VEZF1: variants seen among roughly 807,000 people sequenced by gnomAD.
The protein encoded by VEZF1 is vascular endothelial zinc finger 1.
In VEZF1, 5 loss-of-function variants were observed where a neutral mutation model predicts 44.1. The ratio of observed to expected loss-of-function variants is 0.11; its 90% CI spans 0.06 to 0.24. The LOEUF is 0.24. Among genes scored for constraint, VEZF1 ranks in the 10% least tolerant of loss-of-function variants. The pLI is 1.00. For synonymous variants in VEZF1, 236 were observed against 233.1 expected (o/e 1.01, Z -0.11); for missense variants, 358 against 641.8 (o/e 0.56, Z 4.78).
chr17:57,988,221 G>C lies in VEZF1; in HGVS notation c.-110C>G, dbSNP rs542073771. ...CGGCGGCGGCGGCAACGGCAGCGGC[G>C]GCTCCTCAACATGGCAGCGCCGAGC... On this transcript the variant is annotated 5_prime_UTR_variant, in exon 1 of 6. Transcript: ENST00000581208. 1 of 224,138 alleles carries C rather than the reference G, an allele frequency of 4.5e-6. No individual in the cohort carries two copies. The highest frequency in any genetic ancestry group is 6.1e-5 in the Admixed American group (1 of 16,358). The allele number at this position is 224,138 out of a possible 1,614,324, so 13.9% of individuals were successfully genotyped here. A position where few individuals can be genotyped will look rare whatever the true frequency, so the allele number is the denominator to read the frequency against.
chr17:57,972,665 A>G lies in VEZF1; in HGVS notation c.*1808T>C, dbSNP rs2075148749. On this transcript the variant is annotated 3_prime_UTR_variant, in exon 6 of 6. Coordinates refer to ENST00000581208, the MANE Select transcript of VEZF1 (RefSeq NM_007146.3). ...GACATTATAACAAACATATACATTA[A>G]AAGTGTAGGAATGTGTTGCCTTCCT... 1 of 152,646 alleles carries G rather than the reference A, an allele frequency of 6.6e-6. No homozygotes were observed. The highest frequency in any genetic ancestry group is 1.5e-5 in the Non-Finnish European group (1 of 68,054). 9.5% of individuals were successfully genotyped at this position (152,646 alleles called of 1,614,324 possible).
At chr17:57,979,983 A>AC (rs1460739455) in intron 4 of VEZF1, among the ~76,000 whole-genome samples, 23 of 151,424 alleles carry the variant, frequency 1.5e-4, no homozygotes, top group Middle Eastern at 3.4e-3. Flanking sequence ...AAAAAAAAAA[A>AC]AAAAAAAACA....
At chr17:57,978,316 C>T (rs780055929) in intron 5 of VEZF1, among the ~76,000 whole-genome samples, 1 of 151,900 alleles carries the variant, frequency 6.6e-6, no homozygotes, top group Non-Finnish European at 1.5e-5. Flanking sequence ...TACAGAGGAG[C>T]CCACAGATAG....
intron 1 of VEZF1, among the ~76,000 whole-genome samples, chr17:57,984,609 G>C (rs2075279108): frequency 6.6e-6 from 1 of 152,104 alleles, no homozygotes; most frequent in Admixed American, 6.5e-5. Flanking sequence ...AGACACTTTA[G>C]ACGGTTACTT....
chr17:57,979,340 T>C (rs1472436707), intron 4 of VEZF1, 27 bp from the exon 5 acceptor site: 10 of 1,606,670 alleles, frequency 6.2e-6, no homozygotes, highest in Admixed American at 1.7e-5. Flanking sequence ...CCAAAAACAC[T>C]GTATCTACCT....
In VEZF1 at chr17:57,972,221, A is replaced by G. The variant is rs2075143702; in HGVS notation, c.*2252T>C. ...TAATACTTTCAGGGTTCTGACAACC[A>G]CATTCTAGCTTAGGGGTAGGGCCCA... On this transcript the variant is annotated 3_prime_UTR_variant, in exon 6 of 6. Coordinates refer to ENST00000581208, the MANE Select transcript of VEZF1 (RefSeq NM_007146.3). 6.6e-6 allele frequency: 1 copy of G among 152,180 alleles called. No homozygotes were observed. The highest frequency in any genetic ancestry group is 2.1e-4 in the South Asian group (1 of 4,802). 9.4% of individuals were successfully genotyped at this position (152,180 alleles called of 1,614,324 possible).
chr17:57,987,498 T>G (rs2075308014), intron 1 of VEZF1, among the ~76,000 whole-genome samples: 2 of 147,872 alleles, frequency 1.4e-5, no homozygotes, highest in African/African-American at 2.5e-5. Context: ...TGAGGGGGAG[T>G]GGCGGGGAAC....
intron 2 of VEZF1, among the ~76,000 whole-genome samples, chr17:57,982,445 C>T (rs1598048109): frequency 1.3e-5 from 2 of 152,160 alleles, no homozygotes; most frequent in East Asian, 3.9e-4. Context: ...TATCCATGTG[C>T]CAAATGAAAG....
intron 4 of VEZF1, among the ~76,000 whole-genome samples, chr17:57,979,621 A>T (rs1033907299): frequency 4.6e-5 from 7 of 152,018 alleles, no homozygotes; most frequent in Non-Finnish European, 1.0e-4. Context: ...ACTAATCAAC[A>T]TTCAACAAAA....
In VEZF1 at chr17:57,983,115, C is replaced by T. The variant is rs140158628; in HGVS notation, c.312G>A (p.Arg104=). Residue 104 remains arginine, a synonymous_variant, in exon 2 of 6, where the codon CGG becomes CGA. Coordinates refer to ENST00000581208, the MANE Select transcript of VEZF1 (RefSeq NM_007146.3). ...CCACCGTGGTGGGGGTTTTCTTTGGCCGGGACACCAACTTGATCCCTGTGT... is the reference window on the plus strand; with the variant it reads ...CCACCGTGGTGGGGGTTTTCTTTGGTCGGGACACCAACTTGATCCCTGTGT... The part of the protein sequence containing the change: ...SCHTGIKLVS[R]PKKTPTTVVP... 6.2e-7 allele frequency: 1 copy of T among 1,614,176 alleles called. No individual in the cohort carries two copies. Among genetic ancestry groups the T allele is most frequent in the African/African-American group, 1.3e-5 (1 of 75,036 alleles).
At chr17:57,980,214 T>G (rs752522677) in intron 4 of VEZF1, among the ~76,000 whole-genome samples, 4 of 152,200 alleles carry the variant, frequency 2.6e-5, no homozygotes, top group Non-Finnish European at 5.9e-5. Context: ...GGAAAATGCC[T>G]TCTTCTAGTG....
intron 1 of VEZF1, among the ~76,000 whole-genome samples, chr17:57,987,306 G>C (rs1397277755): frequency 1.3e-5 from 2 of 152,086 alleles, no homozygotes; most frequent in Non-Finnish European, 2.9e-5. Flanking sequence ...GCCCGGCTGG[G>C]GGATTCCCCA....
intron 5 of VEZF1, 127 bp downstream of exon 5, chr17:57,979,025 T>C: frequency 1.6e-6 from 2 of 1,239,258 alleles, no homozygotes; most frequent in Non-Finnish European, 1.1e-6. Flanking sequence ...TTTCCCAGCA[T>C]GCACTATTTC....
intron 1 of VEZF1, among the ~76,000 whole-genome samples, chr17:57,987,690 G>C (rs1452068275): frequency 6.6e-6 from 1 of 152,164 alleles, no homozygotes; most frequent in Non-Finnish European, 1.5e-5. Context: ...GACCGGGCCG[G>C]CACGCAATGG....
chr17:57,976,288 G>T (rs1165809490), intron 5 of VEZF1, among the ~76,000 whole-genome samples: 1 of 152,168 alleles, frequency 6.6e-6, no homozygotes, highest in Non-Finnish European at 1.5e-5. Context: ...GGACCCTTGA[G>T]TCAAGCAGCC....
rs150302205 is a variant in VEZF1, at chr17:57,983,374, T to C, written c.53A>G (p.His18Arg). 1 of 1,608,346 alleles carries C rather than the reference T, an allele frequency of 6.2e-7. No homozygotes were observed. Among genetic ancestry groups the C allele is most frequent in the Non-Finnish European group, 8.5e-7 (1 of 1,178,442 alleles). The change falls in exon 2 of 6, where the codon CAC (histidine) becomes CGC (arginine). Residue 18 changes from histidine to arginine, a missense_variant. Transcript: ENST00000581208. ...GCTGTTCTGTGCTGCCTGCTGTTGG[T>C]GATGGGAAGCTTCATGGGCCTAAAA... Reference protein sequence around the residue: ...FLFQAHEASHHQQQAAQNSLL... With the variant: ...FLFQAHEASHRQQQAAQNSLL...
intron 1 of VEZF1, among the ~76,000 whole-genome samples, chr17:57,983,710 G>A (rs956500632): frequency 6.6e-6 from 1 of 152,078 alleles, no homozygotes; most frequent in Admixed American, 6.5e-5. Flanking sequence ...GTCTGTCAGC[G>A]CTGAAACCAA....
In VEZF1 at chr17:57,980,912, CAT is replaced by C. The variant is rs1320626362; in HGVS notation, c.793-128_793-127del. 2.8e-5 allele frequency: 23 copies of C among 827,960 alleles called. No homozygotes were observed. The Admixed American group carries it at 4.5e-4, about 16-fold the overall frequency. 51.3% of individuals were successfully genotyped at this position (827,960 alleles called of 1,614,324 possible). A position where few individuals can be genotyped will look rare whatever the true frequency, so the allele number is the denominator to read the frequency against. On this transcript the variant is annotated intron_variant, in intron 3 of 5. Transcript: ENST00000581208. ...CTGACAACTAGTTGAATTTTAATTGCATATGTTACCTAGAATCATAATCATAA... is the reference window on the plus strand; with the variant it reads ...CTGACAACTAGTTGAATTTTAATTGCATGTTACCTAGAATCATAATCATAA...
In VEZF1 at chr17:57,983,065, C is replaced by T. The variant is rs763132523; in HGVS notation, c.362G>A (p.Gly121Glu). 1.2e-6 allele frequency: 2 copies of T among 1,614,018 alleles called. No individual in the cohort carries two copies. The highest frequency in any genetic ancestry group is 1.7e-6 in the Non-Finnish European group (2 of 1,180,034). ...TVVPLISTIA[G>E]DSSRTSLVST... The stretch of plus-strand genomic sequence containing the variant: ...GACCAACGAAGTTCGGCTGCTGTCC[C>T]CAGCGATGGTAGAGATAAGGGGAAC... The change falls in exon 2 of 6, where the codon GGG becomes GAG. Residue 121 changes from glycine to glutamate, a missense_variant. Around this residue, in one of 4 missense-constraint regions of VEZF1, gnomAD observed 117 missense variants for 207.2 expected, o/e 0.56. Transcript: ENST00000581208.
Sources: allele counts gnomAD v4.1 joint callset (sites outside exome capture counted in the v4.1 genomes callset), GRCh38; gene constraint gnomAD v4.1.1; regional missense constraint gnomAD v4.1.1; transcripts MANE v1.5; gene names NCBI Gene and HGNC (gene_info 2026-07-23, HGNC 2026-07-21).